The following LNPEP variants were observed in gnomAD, a reference collection of about 807,000 sequenced individuals.
LNPEP encodes leucyl-cystinyl aminopeptidase.
In LNPEP, 64 loss-of-function variants were observed where a neutral mutation model predicts 120.6. That is an observed-to-expected ratio of 0.53 (90% CI 0.43 to 0.65). The LOEUF is 0.65. LNPEP is among the 30% of genes least tolerant of loss of function. The pLI is 0.00. For synonymous variants in LNPEP, 435 were observed against 425.4 expected (o/e 1.02, Z -0.28); for missense variants, 1,057 against 1,200.0 (o/e 0.88, Z 1.76).
chr5:96,986,474 C>A, intron 3 of LNPEP, 65 bp from the exon 4 acceptor site: 1 of 1,465,974 alleles, frequency 6.8e-7, no homozygotes, highest in Non-Finnish European at 9.4e-7. Flanking sequence ...TTCAGTTTCT[C>A]AGTTTGTTTG....
At chr5:96,972,556 C>G (rs1789892490) in intron 1 of LNPEP, among the ~76,000 whole-genome samples, 1 of 152,050 alleles carries the variant, frequency 6.6e-6, no homozygotes, top group Admixed American at 6.6e-5. Flanking sequence ...TCTGCACGTG[C>G]CCCCCTTCAC....
intron 13 of LNPEP, among the ~76,000 whole-genome samples, chr5:97,018,127 G>A (rs913887330): frequency 2.0e-5 from 3 of 152,086 alleles, no homozygotes; most frequent in Non-Finnish European, 4.4e-5. Flanking sequence ...CAAAATTTGA[G>A]GGGATACTAT....
chr5:97,003,399 C>CT lies in LNPEP; in HGVS notation c.1654-6dup, dbSNP rs531968447. 1,612 of 356,410 alleles carry CT rather than the reference C, an allele frequency of 4.5e-3. No homozygotes were observed. Among genetic ancestry groups the CT allele is most frequent in the South Asian group, 7.1e-3 (93 of 13,176 alleles). The allele number at this position is 356,410 out of a possible 1,614,324, so 22.1% of individuals were successfully genotyped here. A position where few individuals can be genotyped will look rare whatever the true frequency, so the allele number is the denominator to read the frequency against. On this transcript the variant is annotated splice_polypyrimidine_tract_variant and intron_variant, in intron 8 of 17. Coordinates refer to ENST00000231368, the MANE Select transcript of LNPEP (RefSeq NM_005575.3). ...CTATTATTTTCTTTCTTTTTCCTCACTTTTTTTTTTAATAGGGATCTTCTC... is the reference window on the plus strand; with the variant it reads ...CTATTATTTTCTTTCTTTTTCCTCACTTTTTTTTTTTAATAGGGATCTTCTC...
Position 96,996,404 on chromosome 5 carries a change from G to C in LNPEP, c.1422G>C (p.Leu474=), listed in dbSNP as rs1446861165. ...HELAHQWFGN[L]VTMKWWNDLW... ...TCTCCCCCCAGTGGTTTGGCAATCT[G>C]GTAACAATGAAGTGGTGGAATGACC... The change falls in exon 7 of 18, where the codon CTG becomes CTC. Residue 474 remains leucine, a synonymous_variant. Transcript: ENST00000231368. 2 of 1,605,510 alleles carry C rather than the reference G, an allele frequency of 1.2e-6. No homozygotes were observed. Among genetic ancestry groups the C allele is most frequent in the Non-Finnish European group, 1.7e-6 (2 of 1,172,470 alleles).
At chr5:97,013,075 C>T (rs1451870325) in intron 11 of LNPEP, among the ~76,000 whole-genome samples, 1 of 152,110 alleles carries the variant, frequency 6.6e-6, no homozygotes, top group Admixed American at 6.6e-5. Context: ...TTCTCCCTCC[C>T]TCTTTCCTCT....
intron 4 of LNPEP, among the ~76,000 whole-genome samples, chr5:96,991,032 A>G (rs566176534): frequency 2.0e-5 from 3 of 152,122 alleles, no homozygotes; most frequent in South Asian, 2.1e-4. Context: ...ACTGCACCCA[A>G]TGTGTAATCT....
At position 97,013,725 on chromosome 5, in the gene LNPEP, G is replaced by A; in HGVS notation, c.2113G>A (p.Ala705Thr). The A allele has an allele frequency of 6.2e-7, 1 of 1,609,490 alleles. No homozygotes were observed. Among genetic ancestry groups the A allele is most frequent in the African/African-American group, 1.3e-5 (1 of 74,892 alleles). The change falls in exon 12 of 18, where the codon GCA becomes ACA. Residue 705 changes from alanine to threonine, a missense_variant. Transcript: ENST00000231368. Reference protein sequence around the residue: ...NMNGYYIVHYADDDWEALIHQ... With the variant: ...NMNGYYIVHYTDDDWEALIHQ... Reference sequence around the variant, plus strand: ...GAATGGTTATTATATTGTACACTATGCAGATGATGATTGGGAAGCACTAAT... The same window carrying A: ...GAATGGTTATTATATTGTACACTATACAGATGATGATTGGGAAGCACTAAT...
chr5:96,984,997 C>A, intron 2 of LNPEP, 83 bp from the exon 3 acceptor site: 1 of 1,416,192 alleles, frequency 7.1e-7, no homozygotes, highest in Non-Finnish European at 9.8e-7. Flanking sequence ...AGGATTGTAA[C>A]ATATTTATCT....
chr5:96,993,743 A>G, intron 5 of LNPEP, 74 bp from the exon 6 acceptor site: 1 of 1,343,822 alleles, frequency 7.4e-7, no homozygotes, highest in Non-Finnish European at 1.0e-6. Flanking sequence ...GTGATAAACC[A>G]TTGAATAAAA....
intron 11 of LNPEP, among the ~76,000 whole-genome samples, chr5:97,006,996 G>A (rs973618485): frequency 2.0e-5 from 3 of 152,102 alleles, no homozygotes; most frequent in Non-Finnish European, 4.4e-5. Context: ...AGAAAATGGG[G>A]CATGAAACTA....
rs1306937721 is a variant in LNPEP, at chr5:96,986,630, G to A, written c.1091G>A (p.Gly364Glu). 4 of 1,613,620 alleles carry A rather than the reference G, an allele frequency of 2.5e-6. No individual in the cohort carries two copies. Among genetic ancestry groups the A allele is most frequent in the Non-Finnish European group, 3.4e-6 (4 of 1,179,698 alleles). The change falls in exon 4 of 18, where the codon GGA becomes GAA. Residue 364 changes from glycine (G) to glutamate (E), a missense_variant. Gly to Glu is a moderately conservative substitution (Grantham distance 98). Transcript: ENST00000231368. ...ACTTACTTGGTTGCTTTCATTGTGGGAGAGATGAAGAACCTGAGTCAGGAC... is the reference window on the plus strand; with the variant it reads ...ACTTACTTGGTTGCTTTCATTGTGGAAGAGATGAAGAACCTGAGTCAGGAC... ...MSTYLVAFIV[G>E]EMKNLSQDVN...
intron 11 of LNPEP, chr5:97,011,042 T>A: frequency 1.0e-6 from 1 of 985,416 alleles, no homozygotes; most frequent in Non-Finnish European, 1.2e-6. Context: ...CTCTTTACCA[T>A]CTGGACTTGG....
At position 97,033,549 on chromosome 5, in the gene LNPEP, A is replaced by C. The variant is rs982945211; in HGVS notation, c.*5016A>C. On this transcript the variant is annotated 3_prime_UTR_variant, in exon 18 of 18. Coordinates refer to ENST00000231368, the MANE Select transcript of LNPEP (RefSeq NM_005575.3). ...AGGAGAGGTTTCAAGGTAAGAGTAT[A>C]TACTTTAAACATGTATATAAATGTT... 2.0e-5 allele frequency: 3 copies of C among 152,184 alleles called. No homozygotes were observed. Among genetic ancestry groups the C allele is most frequent in the Non-Finnish European group, 4.4e-5 (3 of 68,036 alleles). The allele number at this position is 152,184 out of a possible 1,614,324, so 9.4% of individuals were successfully genotyped here.
intron 4 of LNPEP, among the ~76,000 whole-genome samples, chr5:96,990,597 A>G (rs574354984): frequency 1.5e-4 from 23 of 152,280 alleles, no homozygotes; most frequent in Admixed American, 4.6e-4. Flanking sequence ...TAAGTTCTAT[A>G]CATGTATTAG....
In LNPEP at chr5:96,984,410, C is replaced by G. The variant is rs552037713; in HGVS notation, c.861-670C>G. Among the ~76,000 whole-genome samples the G allele has an allele frequency of 2.5e-3, 379 of 152,266 alleles. 1 individual carries two copies. Among genetic ancestry groups the G allele is most frequent in the Non-Finnish European group, 4.8e-3 (325 of 68,012 alleles). ...TACTTAATCTAAATGGGTCCAGGTG[C>G]TGGGGTGATTACCCTTATGTTGTCT... On this transcript the variant is annotated intron_variant, in intron 2 of 17. Coordinates refer to ENST00000231368, the MANE Select transcript of LNPEP (RefSeq NM_005575.3).
At position 97,029,361 on chromosome 5, in the gene LNPEP, A is replaced by G. The variant is rs761191028; in HGVS notation, c.*828A>G. ...ACACCTTTATCACTCCCTGCCGTAG[A>G]TATACTTTAGGTTAGTATTTCTACA... On this transcript the variant is annotated 3_prime_UTR_variant, in exon 18 of 18. Coordinates refer to ENST00000231368, the MANE Select transcript of LNPEP (RefSeq NM_005575.3). 1.4e-4 allele frequency: 22 copies of G among 152,364 alleles called. No individual in the cohort carries two copies. Among genetic ancestry groups the G allele is most frequent in the Admixed American group, 1.3e-4 (2 of 15,286 alleles). 9.4% of individuals were successfully genotyped at this position (152,364 alleles called of 1,614,324 possible).
chr5:97,010,048 G>C (rs932452746), intron 11 of LNPEP, among the ~76,000 whole-genome samples: 2 of 152,050 alleles, frequency 1.3e-5, no homozygotes, highest in African/African-American at 2.4e-5. Context: ...GTTATGTTTG[G>C]TCAATGTATT....
intron 1 of LNPEP, among the ~76,000 whole-genome samples, chr5:96,977,372 G>A (rs1790022515): frequency 6.6e-6 from 1 of 151,980 alleles, no homozygotes; most frequent in Non-Finnish European, 1.5e-5. Context: ...AAAGAGACAT[G>A]TGGAGGATAG....
chr5:97,018,513 C>G (rs879920596), intron 13 of LNPEP, among the ~76,000 whole-genome samples: 1 of 152,142 alleles, frequency 6.6e-6, no homozygotes, highest in African/African-American at 2.4e-5. Context: ...ATTGGACGCC[C>G]TTTTACTGCT....
Sources: allele counts gnomAD v4.1 joint callset (sites outside exome capture counted in the v4.1 genomes callset), GRCh38; gene constraint gnomAD v4.1.1; transcripts MANE v1.5; gene names NCBI Gene and HGNC (gene_info 2026-07-23, HGNC 2026-07-21).